CADM1: variants seen among roughly 807,000 people sequenced by gnomAD.
CADM1 encodes the protein TSLC-1.
CADM1 carries 15 observed loss-of-function variants against 53.1 expected under a neutral mutation model. The observed-to-expected ratio is 0.28, with a 90% CI of 0.19 to 0.44. The LOEUF (loss-of-function observed/expected upper bound fraction) is 0.44, where lower values mean the gene tolerates loss of function less well. Ranked by LOEUF, CADM1 falls within the 20% of genes least tolerant of loss-of-function variation. The pLI, the probability that CADM1 is intolerant of heterozygous loss-of-function variation, is 1.00. For missense variants in CADM1, 434 were observed against 611.3 expected (o/e 0.71, Z 3.06); for synonymous variants, 281 against 243.0 (o/e 1.16, Z -1.45).
intron 10 of CADM1, among the ~76,000 whole-genome samples, chr11:115,181,339 T>C (rs1292278842): frequency 1.3e-5 from 2 of 152,206 alleles, no homozygotes; most frequent in Non-Finnish European, 2.9e-5. Context: ...ATGCTCAGTG[T>C]TGCTATTTTT....
At chr11:115,478,620 A>G (rs949186164) in intron 1 of CADM1, among the ~76,000 whole-genome samples, 2 of 152,172 alleles carry the variant, frequency 1.3e-5, no homozygotes, top group Admixed American at 6.5e-5. Context: ...GAAATTTTAA[A>G]CAATATGCAA....
rs1942174567 is a variant in CADM1 at position 115,240,172 on chromosome 11, AT to A, written c.271+101del. 3 of 1,049,304 alleles carry A rather than the reference AT, an allele frequency of 2.9e-6. No homozygotes were observed. In the South Asian group the frequency reaches 4.0e-5, roughly 14 times the overall value. 65.0% of individuals were successfully genotyped at this position (1,049,304 alleles called of 1,614,324 possible). ...CTAAAGAACTGACTAAACTTTAAGC[AT>A]CTAACATTAAATTTAAAAAAGGTGG... On this transcript the variant is annotated intron_variant, in intron 2 of 11. Coordinates refer to ENST00000331581, the MANE Select transcript of CADM1 (RefSeq NM_001301043.2).
intron 1 of CADM1, among the ~76,000 whole-genome samples, chr11:115,371,294 T>G (rs1472884004): frequency 6.6e-6 from 1 of 152,080 alleles, no homozygotes; most frequent in Non-Finnish European, 1.5e-5. Flanking sequence ...ACAGAAAGGC[T>G]GAGAGAGGAA....
intron 1 of CADM1, among the ~76,000 whole-genome samples, chr11:115,442,844 G>T (rs1591245108): frequency 1.3e-5 from 2 of 152,240 alleles, no homozygotes; most frequent in Middle Eastern, 6.8e-3. Flanking sequence ...CCACCCCTGA[G>T]GACAAGATAC....
intron 1 of CADM1, 101 bp downstream of exon 1, chr11:115,504,170 G>T: frequency 6.7e-7 from 1 of 1,502,212 alleles, no homozygotes; most frequent in Non-Finnish European, 9.0e-7. Context: ...GATGTAGGAA[G>T]TGGGGGGAGG....
chr11:115,358,917 T>C (rs1945953787), intron 1 of CADM1, among the ~76,000 whole-genome samples: 1 of 152,124 alleles, frequency 6.6e-6, no homozygotes, highest in Non-Finnish European at 1.5e-5. Flanking sequence ...GCCCACCGAG[T>C]ATTTCATACC....
At chr11:115,381,660 T>C (rs1198088759) in intron 1 of CADM1, among the ~76,000 whole-genome samples, 1 of 152,102 alleles carries the variant, frequency 6.6e-6, no homozygotes, top group Non-Finnish European at 1.5e-5. Context: ...AGAGAAACCA[T>C]ATGTAAACTA....
At chr11:115,503,433 G>A (rs950960583) in intron 1 of CADM1, among the ~76,000 whole-genome samples, 2 of 152,152 alleles carry the variant, frequency 1.3e-5, no homozygotes, top group Non-Finnish European at 2.9e-5. Context: ...CGCCCCCTCC[G>A]CCACCCTCGG....
intron 1 of CADM1, among the ~76,000 whole-genome samples, chr11:115,303,699 G>A (rs114049762): frequency 2.6e-5 from 4 of 151,894 alleles, no homozygotes; most frequent in Non-Finnish European, 1.5e-5. Context: ...CTCTTTCCTC[G>A]GAGAAGAAGC....
chr11:115,256,201 A>C (rs1942782020), intron 1 of CADM1, among the ~76,000 whole-genome samples: 1 of 152,234 alleles, frequency 6.6e-6, no homozygotes, highest in African/African-American at 2.4e-5. Context: ...GCAGGAAAAA[A>C]ATAAAAGCTA....
At chr11:115,242,012 G>A (rs1942250690) in intron 1 of CADM1, among the ~76,000 whole-genome samples, 1 of 150,516 alleles carries the variant, frequency 6.6e-6, no homozygotes, top group Non-Finnish European at 1.5e-5. Flanking sequence ...GGGAAAGTGT[G>A]AGAGGGGTGG....
At chr11:115,314,474 A>G (rs777451931) in intron 1 of CADM1, among the ~76,000 whole-genome samples, 1 of 152,198 alleles carries the variant, frequency 6.6e-6, no homozygotes, top group South Asian at 2.1e-4. Flanking sequence ...GAGCCTTACT[A>G]ATTTCTGAGA....
intron 11 of CADM1, among the ~76,000 whole-genome samples, chr11:115,178,280 G>A (rs920295577): frequency 2.0e-5 from 3 of 152,110 alleles, no homozygotes; most frequent in African/African-American, 7.2e-5. Context: ...GGTTGTGGAT[G>A]TGCTTTTTCC....
At chr11:115,231,922 G>A (rs1772222920) in intron 3 of CADM1, among the ~76,000 whole-genome samples, 2 of 152,040 alleles carry the variant, frequency 1.3e-5, no homozygotes. Context: ...GGAGGCGGAG[G>A]TTACAGTGAG....
chr11:115,175,311 C>G lies in CADM1; in HGVS notation c.*1163G>C. 1 of 977,214 alleles carries G rather than the reference C, an allele frequency of 1.0e-6. No homozygotes were observed. The highest frequency in any genetic ancestry group is 1.2e-6 in the Non-Finnish European group (1 of 828,088). 60.5% of individuals were successfully genotyped at this position (977,214 alleles called of 1,614,324 possible). A position where few individuals can be genotyped will look rare whatever the true frequency, so the allele number is the denominator to read the frequency against. On this transcript the variant is annotated 3_prime_UTR_variant, in exon 12 of 12. Transcript: ENST00000331581. ...ATTCGAGTTGGAAATCCCAGCATGA[C>G]AAATATCTGTAATATACAGTACATG...
intron 10 of CADM1, among the ~76,000 whole-genome samples, chr11:115,183,514 C>T (rs937862910): frequency 1.3e-5 from 2 of 152,228 alleles, no homozygotes; most frequent in African/African-American, 4.8e-5. Context: ...ACTCACTGAG[C>T]AGAACCTTCA....
At chr11:115,310,590 C>T (rs1056621070) in intron 1 of CADM1, among the ~76,000 whole-genome samples, 3 of 152,044 alleles carry the variant, frequency 2.0e-5, no homozygotes, top group African/African-American at 7.2e-5. Context: ...CGGTGAAACC[C>T]CGGGGCTTTT....
At chr11:115,197,019 C>T (rs183892401) in intron 9 of CADM1, among the ~76,000 whole-genome samples, 1 of 152,294 alleles carries the variant, frequency 6.6e-6, no homozygotes, top group Non-Finnish European at 1.5e-5. Context: ...CACCTAGCCC[C>T]TTTAAGTTAT....
In CADM1 at chr11:115,410,498, G is replaced by C. The variant is rs541675096; in HGVS notation, c.124+93773C>G. The stretch of plus-strand genomic sequence containing the variant: ...AGTCTAGAGGCAGAATGGGAGGGTG[G>C]GGGGAAGAGCAACAGAATAAATGCT... On this transcript the variant is annotated intron_variant, in intron 1 of 11. Coordinates refer to ENST00000331581, the MANE Select transcript of CADM1 (RefSeq NM_001301043.2). Among the ~76,000 whole-genome samples the C allele has an allele frequency of 2.3e-4, 35 of 152,222 alleles. No homozygotes were observed. The South Asian group carries it at 6.0e-3, about 26-fold the overall frequency.
Sources: gnomAD v4.1 joint callset for allele counts (sites outside exome capture counted in the v4.1 genomes callset) on GRCh38, gnomAD v4.1.1 for gene constraint, MANE v1.5 for transcripts, NCBI Gene and HGNC (gene_info 2026-07-23, HGNC 2026-07-21) for gene names.